NXPH1: variants seen among roughly 807,000 people sequenced by gnomAD.
The protein encoded by NXPH1 is neurexophilin-1.
NXPH1 carries 5 observed loss-of-function variants against 23.7 expected under a neutral mutation model. That is an observed-to-expected ratio of 0.21 (90% confidence interval 0.11 to 0.44). NXPH1 has a LOEUF of 0.44. Among genes scored for constraint, NXPH1 ranks in the 20% least tolerant of loss-of-function variants. The probability of loss-of-function intolerance (pLI) is 0.99; values close to 1 mark genes in which losing one functional copy is unlikely to be tolerated. For synonymous variants in NXPH1, 144 were observed against 122.2 expected, an observed-to-expected ratio of 1.18 and a Z score of -1.18; for missense variants, 324 against 321.6, an observed-to-expected ratio of 1.01 and a Z score of -0.06.
intron 2 of NXPH1, among the ~76,000 whole-genome samples, chr7:8,535,131 G>C (rs532676348): frequency 6.6e-6 from 1 of 151,898 alleles, no homozygotes; most frequent in Non-Finnish European, 1.5e-5. Context: ...TTTAGACCCA[G>C]ATAAAGTTAA....
chr7:8,617,093 A>C (rs1562428527), intron 2 of NXPH1, among the ~76,000 whole-genome samples: 1 of 151,820 alleles, frequency 6.6e-6, no homozygotes, highest in Non-Finnish European at 1.5e-5. Context: ...TTGTTGGGGG[A>C]AAGGGGATGT....
At chr7:8,470,255 T>C (rs1563319757) in intron 2 of NXPH1, among the ~76,000 whole-genome samples, 1 of 152,156 alleles carries the variant, frequency 6.6e-6, no homozygotes, top group Admixed American at 6.5e-5. Context: ...ACATTGACTA[T>C]TAAGTTGGCT....
chr7:8,521,077 A>G (rs1267544024), intron 2 of NXPH1, among the ~76,000 whole-genome samples: 1 of 152,168 alleles, frequency 6.6e-6, no homozygotes, highest in South Asian at 2.1e-4. Flanking sequence ...TTCAGATTAA[A>G]TCCATCAATA....
intron 2 of NXPH1, among the ~76,000 whole-genome samples, chr7:8,509,997 T>A (rs1817587627): frequency 6.6e-6 from 1 of 152,158 alleles, no homozygotes; most frequent in African/African-American, 2.4e-5. Flanking sequence ...AGATTCTATT[T>A]AGATGTTCAC....
chr7:8,745,207 T>C (rs1780446573), intron 2 of NXPH1, among the ~76,000 whole-genome samples: 2 of 152,230 alleles, frequency 1.3e-5, no homozygotes, highest in Non-Finnish European at 2.9e-5. Flanking sequence ...CCCCTTTCTT[T>C]ATTGACAAGT....
chr7:8,664,012 T>C (rs1820721770), intron 2 of NXPH1, among the ~76,000 whole-genome samples: 1 of 152,088 alleles, frequency 6.6e-6, no homozygotes, highest in Non-Finnish European at 1.5e-5. Context: ...TCTCTTTGTC[T>C]CCCATCTTCC....
chr7:8,672,290 A>G (rs1820881573), intron 2 of NXPH1, among the ~76,000 whole-genome samples: 1 of 152,110 alleles, frequency 6.6e-6, no homozygotes, highest in South Asian at 2.1e-4. Context: ...GAACACATGG[A>G]CACTGGAAGG....
chr7:8,522,695 G>C (rs1817792616), intron 2 of NXPH1, among the ~76,000 whole-genome samples: 1 of 152,174 alleles, frequency 6.6e-6, no homozygotes, highest in South Asian at 2.1e-4. Flanking sequence ...TTTAAAGGCT[G>C]AATTGTGAGC....
chr7:8,467,908 T>G (rs1816810426), intron 2 of NXPH1, among the ~76,000 whole-genome samples: 1 of 152,158 alleles, frequency 6.6e-6, no homozygotes, highest in Non-Finnish European at 1.5e-5. Context: ...TTCTAAGTTT[T>G]TCGGGCATTG....
chr7:8,471,226 T>A (rs542716050), intron 2 of NXPH1, among the ~76,000 whole-genome samples: 1 of 152,228 alleles, frequency 6.6e-6, no homozygotes, highest in East Asian at 1.9e-4. Flanking sequence ...TAAATGTTAC[T>A]CTTTAAGGCA....
intron 2 of NXPH1, among the ~76,000 whole-genome samples, chr7:8,695,103 A>T (rs920225249): frequency 1.3e-5 from 2 of 152,212 alleles, no homozygotes; most frequent in Admixed American, 1.3e-4. Context: ...CATTGCTGAT[A>T]TTATTCCAAA....
rs1563337860 is a variant in NXPH1 at position 8,532,467 on chromosome 7, T to TG, written c.54+96700_54+96701insG. ...CTGAAATTATCCTTTCATATTTTTT[T>TG]TGGGGGGGGGGGAGGGGGCTGCTTT... is the stretch of plus-strand genomic sequence containing the variant. On this transcript the variant is annotated intron_variant, in intron 2 of 2. Transcript: ENST00000405863. Among the ~76,000 whole-genome samples, 9 of 13,516 alleles carry TG rather than the reference T, an allele frequency of 6.7e-4. No individual in the cohort carries two copies. In the East Asian group the frequency reaches 0.016, roughly 25 times the overall value. The allele number at this position is 13,516 out of a possible 152,430, so 8.9% of individuals were successfully genotyped here.
At chr7:8,620,903 T>A (rs142142200) in intron 2 of NXPH1, among the ~76,000 whole-genome samples, 2 of 152,274 alleles carry the variant, frequency 1.3e-5, no homozygotes, top group Admixed American at 6.5e-5. Context: ...TTCTTCTCCC[T>A]TTGAAAAGGT....
At chr7:8,478,688 A>G (rs1256297776) in intron 2 of NXPH1, among the ~76,000 whole-genome samples, 13 of 152,114 alleles carry the variant, frequency 8.5e-5, no homozygotes. Flanking sequence ...AACAAATGCC[A>G]AGACATGTTC....
chr7:8,741,408 A>C (rs1448208020), intron 2 of NXPH1, among the ~76,000 whole-genome samples: 1 of 152,142 alleles, frequency 6.6e-6, no homozygotes, highest in Non-Finnish European at 1.5e-5. Flanking sequence ...CTTTGGATAT[A>C]AACCCAGAAG....
At chr7:8,465,272 G>T (rs111848843) in intron 2 of NXPH1, among the ~76,000 whole-genome samples, 10 of 152,276 alleles carry the variant, frequency 6.6e-5, no homozygotes, top group African/African-American at 2.4e-4. Flanking sequence ...TTTTTCTACT[G>T]GAATTTCTGT....
intron 2 of NXPH1, among the ~76,000 whole-genome samples, chr7:8,632,095 G>A (rs879360435): frequency 2.6e-5 from 4 of 152,058 alleles, no homozygotes; most frequent in Non-Finnish European, 5.9e-5. Flanking sequence ...TGCCATTCAG[G>A]GAGCGTCCAT....
intron 2 of NXPH1, among the ~76,000 whole-genome samples, chr7:8,617,313 T>C (rs574569556): frequency 2.0e-4 from 31 of 152,138 alleles, no homozygotes; most frequent in African/African-American, 5.3e-4. Context: ...GTATTTCCTA[T>C]AAAAGAAAGG....
chr7:8,713,635 A>G (rs1401284189), intron 2 of NXPH1, among the ~76,000 whole-genome samples: 2 of 151,878 alleles, frequency 1.3e-5, no homozygotes, highest in African/African-American at 4.8e-5. Flanking sequence ...GTGTGCTGTG[A>G]TCTAAGTTTT....
Sources: gnomAD v4.1 joint callset for allele counts (sites outside exome capture counted in the v4.1 genomes callset) on GRCh38, gnomAD v4.1.1 for gene constraint, MANE v1.5 for transcripts, NCBI Gene and HGNC (gene_info 2026-07-23, HGNC 2026-07-21) for gene names.